SACM1L: variants seen among roughly 807,000 people sequenced by gnomAD.
SACM1L encodes SAC1 like phosphatidylinositide phosphatase.
A neutral mutation model predicts 89.5 loss-of-function variants in SACM1L; 32 were observed. That is an observed-to-expected ratio of 0.36 (90% CI 0.27 to 0.48). The LOEUF (loss-of-function observed/expected upper bound fraction) is 0.48. Among genes scored for constraint, SACM1L ranks in the 20% least tolerant of loss-of-function variants. The probability of loss-of-function intolerance (pLI) is 0.99; values close to 1 mark genes in which losing one functional copy is unlikely to be tolerated. For synonymous variants in SACM1L, 213 were observed against 232.8 expected, an observed-to-expected ratio of 0.92 and a Z score of 0.77; for missense variants, 543 against 708.5, an observed-to-expected ratio of 0.77 and a Z score of 2.65.
intron 1 of SACM1L, among the ~76,000 whole-genome samples, chr3:45,699,284 A>AAAAT (rs891227259): frequency 6.6e-6 from 1 of 151,174 alleles, no homozygotes; most frequent in African/African-American, 2.4e-5. Context: ...AAGTATAATT[A>AAAAT]AAATAAATAA....
chr3:45,739,414 A>T (rs3733107), intron 18 of SACM1L, among the ~76,000 whole-genome samples, 173 bp from the exon 19 acceptor site: 1 of 152,034 alleles, frequency 6.6e-6, no homozygotes, highest in African/African-American at 2.4e-5. Flanking sequence ...TCTAAAGTCT[A>T]GGGCAGTTGT....
intron 11 of SACM1L, among the ~76,000 whole-genome samples, chr3:45,726,172 T>C (rs1044208268): frequency 6.6e-6 from 1 of 151,486 alleles, no homozygotes; most frequent in African/African-American, 2.4e-5. Flanking sequence ...GTAATATCTT[T>C]GTTTGGTTTT....
intron 7 of SACM1L, among the ~76,000 whole-genome samples, chr3:45,718,033 G>A (rs1213697106): frequency 1.3e-5 from 2 of 152,228 alleles, no homozygotes; most frequent in African/African-American, 4.8e-5. Context: ...GATCAGATGA[G>A]GAGTATACTC....
intron 4 of SACM1L, chr3:45,707,268 C>T: frequency 5.8e-6 from 1 of 171,114 alleles, no homozygotes; most frequent in Non-Finnish European, 1.2e-5. Context: ...CCTTCTTTCC[C>T]AGAGAGGTTT....
chr3:45,695,819 C>T (rs1215565099), intron 1 of SACM1L, among the ~76,000 whole-genome samples: 1 of 152,120 alleles, frequency 6.6e-6, no homozygotes, highest in African/African-American at 2.4e-5. Flanking sequence ...CATTAAACAA[C>T]TCCCCATTTC....
At chr3:45,727,935 C>G (rs986105661) in intron 11 of SACM1L, among the ~76,000 whole-genome samples, 11 of 152,176 alleles carry the variant, frequency 7.2e-5, no homozygotes, top group African/African-American at 2.7e-4. Flanking sequence ...CCCTTCAGTT[C>G]TGTCAGTGTG....
At chr3:45,719,403 CT>C (rs1379268083) in intron 7 of SACM1L, 96 bp from the exon 8 acceptor site, 1 of 615,282 alleles carries the variant, frequency 1.6e-6, no homozygotes, top group Non-Finnish European at 2.7e-6. Flanking sequence ...GTCATTTTTT[CT>C]CTTAAAGACC....
At chr3:45,710,150 C>T (rs1245877339) in intron 5 of SACM1L, among the ~76,000 whole-genome samples, 2 of 151,474 alleles carry the variant, frequency 1.3e-5, no homozygotes, top group African/African-American at 4.8e-5. Context: ...AAAAATGTAA[C>T]AAAAGTCACT....
In SACM1L at chr3:45,737,790, A is replaced by AT; in HGVS notation, c.1329dup (p.Ala444CysfsTer15). On this transcript the variant is annotated frameshift_variant, in exon 16 of 20. Transcript: ENST00000389061. LOFTEE classifies it high-confidence loss of function. ...TCTACAGCCTGGGCTGACAACGCAA[A>AT]TGCTTGTGCCAAGCAATATGCGGGA... 1 of 1,614,020 alleles carries AT rather than the reference A, an allele frequency of 6.2e-7. No homozygotes were observed.
chr3:45,725,021 C>T (rs1698885641), intron 11 of SACM1L, among the ~76,000 whole-genome samples: 1 of 152,166 alleles, frequency 6.6e-6, no homozygotes, highest in Non-Finnish European at 1.5e-5. Flanking sequence ...TTTTGAGGCT[C>T]TGTTCTATTC....
At chr3:45,707,115 C>A in intron 4 of SACM1L, 1 of 405,984 alleles carries the variant, frequency 2.5e-6, no homozygotes, top group Non-Finnish European at 4.3e-6. Context: ...TTTAAAGATT[C>A]AGTTCTTAAA....
intron 1 of SACM1L, among the ~76,000 whole-genome samples, chr3:45,697,395 GCCT>G (rs2125681808): frequency 6.8e-6 from 1 of 146,504 alleles, no homozygotes; most frequent in South Asian, 2.2e-4. Flanking sequence ...TCCGACCTCA[GCCT>G]CCTGAATAGC....
intron 16 of SACM1L, 99 bp downstream of exon 16, chr3:45,737,943 C>T (rs1004654709): frequency 1.4e-5 from 13 of 915,310 alleles, no homozygotes; most frequent in Non-Finnish European, 2.1e-5. Context: ...GCAGCAACAA[C>T]AGCAAGACTC....
intron 1 of SACM1L, chr3:45,690,274 C>T (rs1389460062): frequency 6.6e-6 from 1 of 152,220 alleles, no homozygotes; most frequent in Non-Finnish European, 1.5e-5. Context: ...TAGTGTTACC[C>T]ATTAGCATCC....
At chr3:45,705,493 A>G (rs897650561) in intron 3 of SACM1L, among the ~76,000 whole-genome samples, 26 of 145,282 alleles carry the variant, frequency 1.8e-4, no homozygotes, top group Middle Eastern at 6.9e-3. Context: ...GTATGTAAAT[A>G]AAATTTTTTT....
At position 45,739,673 on chromosome 3, in the gene SACM1L, A is replaced by G. The variant is rs1237287539; in HGVS notation, c.1627+29A>G. The G allele has an allele frequency of 2.5e-6, 4 of 1,605,012 alleles. No homozygotes were observed. The Admixed American group carries it at 5.0e-5, about 20-fold the overall frequency. On this transcript the variant is annotated intron_variant, in intron 19 of 19. Transcript: ENST00000389061. ...AGTCTGCTCCACACATTTGTTTCTT[A>G]GTTAGAATGTTGACCTTTCTTTTAC... is the stretch of plus-strand genomic sequence containing the variant.
intron 7 of SACM1L, among the ~76,000 whole-genome samples, chr3:45,714,373 A>G (rs555910494): frequency 1.8e-4 from 27 of 152,282 alleles, no homozygotes; most frequent in African/African-American, 6.5e-4. Context: ...ACCTTTTATC[A>G]GTAAATTACA....
intron 19 of SACM1L, among the ~76,000 whole-genome samples, chr3:45,743,284 G>T (rs1699355423): frequency 6.6e-6 from 1 of 152,164 alleles, no homozygotes; most frequent in African/African-American, 2.4e-5. Flanking sequence ...CATCACCTGG[G>T]TACTAGGAAC....
At chr3:45,731,984 G>T (rs935595074) in intron 12 of SACM1L, 69 bp from the exon 13 acceptor site, 5 of 887,300 alleles carry the variant, frequency 5.6e-6, no homozygotes, top group Non-Finnish European at 8.8e-6. Context: ...ATCAGCTTAT[G>T]AAGGTATTAT....
Sources: allele counts gnomAD v4.1 joint callset (sites outside exome capture counted in the v4.1 genomes callset), GRCh38; gene constraint gnomAD v4.1.1; transcripts MANE v1.5; gene names NCBI Gene and HGNC (gene_info 2026-07-23, HGNC 2026-07-21).